The following RPL39L variants were observed in gnomAD, a reference collection of about 807,000 sequenced individuals.
RPL39L encodes the protein ribosomal protein L39 like.
For missense variants in RPL39L, 48 were observed against 58.9 expected (o/e 0.81, Z 0.61); for synonymous variants, 16 against 20.1 (o/e 0.80, Z 0.55).
intron 2 of RPL39L, among the ~76,000 whole-genome samples, chr3:187,127,484 T>C (rs1037679201): frequency 2.0e-5 from 3 of 152,216 alleles, no homozygotes; most frequent in African/African-American, 7.2e-5. Context: ...TATGCGTATA[T>C]TTCCTAGAAC....
chr3:187,125,256 A>G (rs957605812), intron 2 of RPL39L, among the ~76,000 whole-genome samples: 3 of 152,240 alleles, frequency 2.0e-5, no homozygotes, highest in African/African-American at 4.8e-5. Flanking sequence ...GAAATTTTAT[A>G]CTTGTGAGAG....
chr3:187,133,834 A>G (rs1184743713), intron 1 of RPL39L, among the ~76,000 whole-genome samples: 4 of 152,178 alleles, frequency 2.6e-5, no homozygotes, highest in Admixed American at 2.6e-4. Flanking sequence ...TGTACTGAAG[A>G]TGGACCAATA....
intron 1 of RPL39L, among the ~76,000 whole-genome samples, chr3:187,129,948 G>C (rs1720459871): frequency 6.6e-6 from 1 of 151,570 alleles, no homozygotes; most frequent in Non-Finnish European, 1.5e-5. Context: ...CACCCAGTAG[G>C]TATAGAGAGG....
At position 187,121,344 on chromosome 3, in the gene RPL39L, G is replaced by GGA. The variant is rs1560198575; in HGVS notation, c.-28-18_-28-17dup. 2 of 1,604,300 alleles carry GGA rather than the reference G, an allele frequency of 1.2e-6. No homozygotes were observed. Among genetic ancestry groups the GGA allele is most frequent in the East Asian group, 2.2e-5 (1 of 44,832 alleles). ...CCACACACCACTATGGCGGAGAAAG[G>GGA]GAGAGAGAGACAGAGACAATATTAC... On this transcript the variant is annotated splice_polypyrimidine_tract_variant and intron_variant, in intron 2 of 2. Transcript: ENST00000296277.
chr3:187,138,036 T>C (rs1487319053), intron 1 of RPL39L, among the ~76,000 whole-genome samples: 1 of 152,132 alleles, frequency 6.6e-6, no homozygotes, highest in Non-Finnish European at 1.5e-5. Context: ...AGGGTGACTA[T>C]TGGATTACAA....
chr3:187,129,617 G>C (rs1478440591), intron 1 of RPL39L, among the ~76,000 whole-genome samples: 1 of 152,134 alleles, frequency 6.6e-6, no homozygotes, highest in Non-Finnish European at 1.5e-5. Flanking sequence ...ATATTAAATG[G>C]TGTTTACCTG....
At chr3:187,138,593 C>T (rs1013044731) in intron 1 of RPL39L, among the ~76,000 whole-genome samples, 2 of 152,208 alleles carry the variant, frequency 1.3e-5, no homozygotes, top group East Asian at 1.9e-4. Context: ...GCTGATTAAA[C>T]CACTGATGAA....
chr3:187,121,979 G>T, intron 2 of RPL39L, among the ~76,000 whole-genome samples: 1 of 152,138 alleles, frequency 6.6e-6, no homozygotes, highest in East Asian at 1.9e-4. Flanking sequence ...GGAAAACATG[G>T]TTGAAAATAG....
intron 2 of RPL39L, among the ~76,000 whole-genome samples, chr3:187,123,252 T>C (rs1276726896): frequency 6.6e-6 from 1 of 152,128 alleles, no homozygotes; most frequent in Non-Finnish European, 1.5e-5. Flanking sequence ...TGGGGTATAG[T>C]GTGGGGTGTG....
intron 1 of RPL39L, among the ~76,000 whole-genome samples, chr3:187,136,790 T>C (rs1720587678): frequency 1.3e-5 from 2 of 152,166 alleles, no homozygotes; most frequent in African/African-American, 2.4e-5. Context: ...TTCTGAGTCA[T>C]GTTAAAAAAT....
chr3:187,131,372 A>G (rs1340616526), intron 1 of RPL39L, among the ~76,000 whole-genome samples: 2 of 152,144 alleles, frequency 1.3e-5, no homozygotes, highest in African/African-American at 4.8e-5. Context: ...CCCTGTCTCT[A>G]CTAAAAATAC....
At chr3:187,123,437 C>T (rs542028851) in intron 2 of RPL39L, among the ~76,000 whole-genome samples, 1 of 152,340 alleles carries the variant, frequency 6.6e-6, no homozygotes, top group Non-Finnish European at 1.5e-5. Context: ...TCTTCCCATA[C>T]ATTAGCAGCA....
At chr3:187,127,466 A>G (rs983969699) in intron 2 of RPL39L, among the ~76,000 whole-genome samples, 2 of 152,268 alleles carry the variant, frequency 1.3e-5, no homozygotes. Context: ...GCTGTTACTT[A>G]GAAGCAATAT....
At chr3:187,132,438 C>T (rs769480088) in intron 1 of RPL39L, among the ~76,000 whole-genome samples, 14 of 152,108 alleles carry the variant, frequency 9.2e-5, no homozygotes, top group African/African-American at 1.4e-4. Context: ...GGAATAGGTG[C>T]GGACCCACCT....
In RPL39L at chr3:187,121,267, A is replaced by G. The variant is rs1379144459; in HGVS notation, c.34T>C (p.Phe12Leu). 3 of 1,613,928 alleles carry G rather than the reference A, an allele frequency of 1.9e-6. No individual in the cohort carries two copies. The highest frequency in any genetic ancestry group is 1.7e-5 in the Admixed American group (1 of 59,996). Residue 12 changes from phenylalanine to leucine, a missense_variant, in exon 3 of 3, where the codon TTC (phenylalanine) becomes CTC (leucine). Transcript: ENST00000296277. ...SSHKTFTIKR[F>L]LAKKQKQNRP... Reference sequence around the variant, plus strand: ...TTTTGCTTTTGTTTCTTGGCCAGGAATCGCTTAATGGTGAAAGTCTTGTGA... The same window carrying G: ...TTTTGCTTTTGTTTCTTGGCCAGGAGTCGCTTAATGGTGAAAGTCTTGTGA...
At position 187,126,847 on chromosome 3, in the gene RPL39L, C is replaced by G. The variant is rs567767350; in HGVS notation, c.-29+1152G>C. ...GGTTCATATAAGTTGGGGAGTCTGT[C>G]AGGAGACCTTCTCCTACAACAATCT... On this transcript the variant is annotated intron_variant, in intron 2 of 2. Coordinates refer to ENST00000296277, the MANE Select transcript of RPL39L (RefSeq NM_052969.3). Among the ~76,000 whole-genome samples the G allele has an allele frequency of 4.6e-5, 7 of 152,274 alleles. No homozygotes were observed. The South Asian group carries it at 1.5e-3, about 32-fold the overall frequency.
chr3:187,134,216 AATATGC>A (rs1171813301), intron 1 of RPL39L, among the ~76,000 whole-genome samples: 2 of 152,192 alleles, frequency 1.3e-5, no homozygotes, highest in African/African-American at 4.8e-5. Flanking sequence ...ACATTAAATG[AATATGC>A]TTGAAACAGA....
intron 1 of RPL39L, among the ~76,000 whole-genome samples, chr3:187,129,509 A>G (rs1720451969): frequency 1.3e-5 from 2 of 152,194 alleles, no homozygotes; most frequent in Admixed American, 6.5e-5. Context: ...CATTGACAAC[A>G]ATACCTTAAG....
chr3:187,137,279 G>T (rs1266828480), intron 1 of RPL39L, among the ~76,000 whole-genome samples: 1 of 148,214 alleles, frequency 6.7e-6, no homozygotes, highest in Non-Finnish European at 1.5e-5. Flanking sequence ...AGGCCAAAAT[G>T]CTCAGGATCA....
Sources: allele counts gnomAD v4.1 joint callset (sites outside exome capture counted in the v4.1 genomes callset), GRCh38; gene constraint gnomAD v4.1.1; transcripts MANE v1.5; gene names NCBI Gene and HGNC (gene_info 2026-07-23, HGNC 2026-07-21).